Variants in ICA1L observed in about 807,000 individuals in gnomAD.
ICA1L encodes islet cell autoantigen 1 like, also known as islet cell autoantigen 1-like protein.
Under a neutral mutation model 61.3 loss-of-function variants are expected in ICA1L, and 50 were observed. That is an observed-to-expected ratio of 0.82 (90% CI 0.65 to 1.03). The LOEUF is 1.03. Ranked by LOEUF, ICA1L falls within the 50% of genes least tolerant of loss-of-function variation. The probability of loss-of-function intolerance (pLI) is 0.00; values close to 1 mark genes in which losing one functional copy is unlikely to be tolerated. For missense variants in ICA1L, 508 were observed against 556.7 expected (o/e 0.91, Z 0.88); for synonymous variants, 161 against 191.3 (o/e 0.84, Z 1.31).
At chr2:202,802,445 AT>A (rs1693108598) in intron 9 of ICA1L, among the ~76,000 whole-genome samples, 1 of 152,186 alleles carries the variant, frequency 6.6e-6, no homozygotes, top group African/African-American at 2.4e-5. Flanking sequence ...ACTAAAAAAA[AT>A]AATGGTTGAG....
chr2:202,812,583 A>C (rs1200500814), intron 8 of ICA1L, among the ~76,000 whole-genome samples: 4 of 152,058 alleles, frequency 2.6e-5, no homozygotes, highest in African/African-American at 9.7e-5. Context: ...TCTCAAACAA[A>C]AAAAAAAAGA....
rs566100568 is a variant in ICA1L, at chr2:202,842,540, T to C, written c.-7-13524A>G. On this transcript the variant is annotated intron_variant, in intron 1 of 12. Transcript: ENST00000358299. ...CCACTTCTAGCCTTATTGGAACTCC[T>C]TTGTATGTGATTTGCTTTTCTCTTG... Among the ~76,000 whole-genome samples the C allele has an allele frequency of 3.3e-5, 5 of 152,352 alleles. No individual in the cohort carries two copies. The South Asian group carries it at 1.0e-3, about 32-fold the overall frequency.
intron 1 of ICA1L, among the ~76,000 whole-genome samples, chr2:202,851,828 C>T (rs888094683): frequency 6.6e-6 from 1 of 152,224 alleles, no homozygotes; most frequent in South Asian, 2.1e-4. Flanking sequence ...AGTGTCTGTT[C>T]ATATCCTTCT....
intron 1 of ICA1L, among the ~76,000 whole-genome samples, chr2:202,868,784 T>C (rs950036226): frequency 2.0e-5 from 3 of 151,086 alleles, no homozygotes; most frequent in East Asian, 2.0e-4. Flanking sequence ...CTGAACAATA[T>C]GGTAAAACCC....
At chr2:202,842,491 G>T (rs1337915562) in intron 1 of ICA1L, among the ~76,000 whole-genome samples, 1 of 152,070 alleles carries the variant, frequency 6.6e-6, no homozygotes, top group Non-Finnish European at 1.5e-5. Context: ...ACTCTCTACT[G>T]GCCTGTAGGT....
intron 3 of ICA1L, among the ~76,000 whole-genome samples, chr2:202,823,111 A>G (rs928319379): frequency 1.3e-5 from 2 of 152,242 alleles, no homozygotes; most frequent in Admixed American, 6.5e-5. Context: ...TCAACTGAAC[A>G]TAAATGATCA....
chr2:202,817,200 C>T (rs1045161141), intron 6 of ICA1L, among the ~76,000 whole-genome samples: 3 of 152,200 alleles, frequency 2.0e-5, no homozygotes, highest in Admixed American at 6.5e-5. Context: ...CCCTAAGTCT[C>T]TCTCTCTCCT....
intron 6 of ICA1L, 30 bp downstream of exon 6, chr2:202,817,388 C>T (rs1163401334): frequency 6.6e-7 from 1 of 1,518,558 alleles, no homozygotes; most frequent in Non-Finnish European, 8.8e-7. Context: ...ATCTTTACTG[C>T]AAGGATATGC....
At position 202,774,646 on chromosome 2, in the gene ICA1L, G is replaced by T; in HGVS notation, c.*4887C>A. The T allele has an allele frequency of 4.3e-6, 1 of 232,938 alleles. No individual in the cohort carries two copies. The highest frequency in any genetic ancestry group is 1.6e-4 in the South Asian group (1 of 6,410). The allele number at this position is 232,938 out of a possible 1,614,324, so 14.4% of individuals were successfully genotyped here. ...CTCAGCCAAGCAGGTGGGGAGCGGA[G>T]AGGCCTAAGACATGGGCAGGAGCCT... On this transcript the variant is annotated 3_prime_UTR_variant, in exon 13 of 13. Transcript: ENST00000358299.
At chr2:202,866,532 T>C (rs1353993112) in intron 1 of ICA1L, among the ~76,000 whole-genome samples, 2 of 152,188 alleles carry the variant, frequency 1.3e-5, no homozygotes, top group Non-Finnish European at 2.9e-5. Flanking sequence ...GACTGACTTT[T>C]AACAGACAAT....
intron 1 of ICA1L, among the ~76,000 whole-genome samples, chr2:202,840,045 CCATT>C (rs1321837804): frequency 6.8e-6 from 1 of 147,536 alleles, no homozygotes; most frequent in East Asian, 2.0e-4. Context: ...ATTATTGTAG[CCATT>C]ATTATTATTT....
Position 202,774,105 on chromosome 2 carries a change from T to C in ICA1L, c.*5428A>G, listed in dbSNP as rs1692138474. On this transcript the variant is annotated 3_prime_UTR_variant, in exon 13 of 13. Coordinates refer to ENST00000358299, the MANE Select transcript of ICA1L (RefSeq NM_001288622.3). The stretch of plus-strand genomic sequence containing the variant: ...ATAATATTAGGAATCCCATCAATGA[T>C]TGGATAAGCTATTCTCAACTCTTCA... 1.2e-5 allele frequency: 14 copies of C among 1,197,964 alleles called. No individual in the cohort carries two copies. Among genetic ancestry groups the C allele is most frequent in the South Asian group, 2.7e-5 (2 of 75,132 alleles). The allele number at this position is 1,197,964 out of a possible 1,614,324, so 74.2% of individuals were successfully genotyped here.
chr2:202,827,915 G>A (rs1024595003), intron 2 of ICA1L, among the ~76,000 whole-genome samples: 1 of 152,158 alleles, frequency 6.6e-6, no homozygotes, highest in African/African-American at 2.4e-5. Flanking sequence ...CCACCATAAT[G>A]ATTATATTCC....
chr2:202,826,505 T>C (rs1574358066), intron 2 of ICA1L, among the ~76,000 whole-genome samples: 1 of 152,194 alleles, frequency 6.6e-6, no homozygotes. Context: ...GGAGTCTCAC[T>C]CTGTCACCCA....
At chr2:202,840,709 A>G (rs1300725634) in intron 1 of ICA1L, 3 of 602,128 alleles carry the variant, frequency 5.0e-6, no homozygotes, top group African/African-American at 3.7e-5. Flanking sequence ...GCTGCAGGGC[A>G]GCCTCCAGCT....
rs1163245604 is a variant in ICA1L at position 202,849,623 on chromosome 2, GC to G, written c.-7-20608del. ...GGGCATCTCTGAAAGAAAGGCAGCA[GC>G]CCCAGCCAGGGGTTTTTAGATAAAA... On this transcript the variant is annotated intron_variant, in intron 1 of 12. Transcript: ENST00000358299. The surrounding 1 kb of genome is among the most constrained non-coding windows in gnomAD (Gnocchi z 4.5). Among the ~76,000 whole-genome samples, 1 of 152,186 alleles carries G rather than the reference GC, an allele frequency of 6.6e-6. No homozygotes were observed. Among genetic ancestry groups the G allele is most frequent in the Non-Finnish European group, 1.5e-5 (1 of 68,036 alleles).
At chr2:202,840,234 G>C (rs1694288409) in intron 1 of ICA1L, 1 of 426,368 alleles carries the variant, frequency 2.3e-6, no homozygotes, top group African/African-American at 2.0e-5. Flanking sequence ...GCCTCAGGTG[G>C]GTCTCCTGTT....
chr2:202,785,827 G>A, intron 12 of ICA1L, 91 bp downstream of exon 12: 1 of 698,008 alleles, frequency 1.4e-6, no homozygotes, highest in Non-Finnish European at 2.4e-6. Flanking sequence ...ACAATGAGGT[G>A]AAAACAATAT....
chr2:202,800,444 A>C (rs1217094459), intron 9 of ICA1L, among the ~76,000 whole-genome samples: 1 of 152,212 alleles, frequency 6.6e-6, no homozygotes, highest in South Asian at 2.1e-4. Context: ...TTGAGCCTAT[A>C]TATCAAGACA....
Sources: gnomAD v4.1 joint callset for allele counts (sites outside exome capture counted in the v4.1 genomes callset) on GRCh38, gnomAD v4.1.1 for gene constraint, Gnocchi (gnomAD v3.1) non-coding constraint, MANE v1.5 for transcripts, NCBI Gene and HGNC (gene_info 2026-07-23, HGNC 2026-07-21) for gene names.